The following PTPRD variants were observed in gnomAD, a reference collection of about 807,000 sequenced individuals.
The protein encoded by PTPRD is receptor-type tyrosine-protein phosphatase delta.
Under a neutral mutation model 214.5 loss-of-function variants are expected in PTPRD, and 34 were observed. The observed-to-expected ratio is 0.16, with a 90% CI of 0.12 to 0.21. The LOEUF (loss-of-function observed/expected upper bound fraction) is 0.21, where lower values mean the gene tolerates loss of function less well. Among genes scored for constraint, PTPRD ranks in the 10% least tolerant of loss-of-function variants. The pLI is 1.00. For synonymous variants in PTPRD, 1,128 were observed against 845.7 expected, an observed-to-expected ratio of 1.33 and a Z score of -5.79; for missense variants, 2,545 against 2,398.7, an observed-to-expected ratio of 1.06 and a Z score of -1.27.
chr9:9,875,542 G>C (rs915792000), intron 5 of PTPRD, among the ~76,000 whole-genome samples: 3 of 151,956 alleles, frequency 2.0e-5, no homozygotes, highest in Non-Finnish European at 4.4e-5. Flanking sequence ...CACCAACTTA[G>C]ATAACTACCA....
intron 3 of PTPRD, among the ~76,000 whole-genome samples, chr9:10,036,634 G>A (rs1033804590): frequency 1.3e-5 from 2 of 151,796 alleles, no homozygotes; most frequent in Non-Finnish European, 2.9e-5. Flanking sequence ...CACCAGGCTG[G>A]AGTGCAGTGG....
At chr9:9,645,920 A>C (rs1047548911) in intron 7 of PTPRD, among the ~76,000 whole-genome samples, 1 of 152,320 alleles carries the variant, frequency 6.6e-6, no homozygotes, top group African/African-American at 2.4e-5. Flanking sequence ...TTGTGGATAC[A>C]TACTAGTTGT....
chr9:10,340,573 C>A (rs2096920208), intron 3 of PTPRD, among the ~76,000 whole-genome samples: 1 of 151,932 alleles, frequency 6.6e-6, no homozygotes, highest in African/African-American at 2.4e-5. Context: ...AATAGCCCTA[C>A]ATATTTGGAT....
chr9:9,594,272 T>A (rs949850973), intron 7 of PTPRD, among the ~76,000 whole-genome samples: 1 of 152,072 alleles, frequency 6.6e-6, no homozygotes, highest in African/African-American at 2.4e-5. Flanking sequence ...GGAGTTAATT[T>A]AAAATATTCC....
chr9:9,239,184 G>A (rs1312700607), intron 9 of PTPRD, among the ~76,000 whole-genome samples: 1 of 149,448 alleles, frequency 6.7e-6, no homozygotes, highest in Non-Finnish European at 1.5e-5. Flanking sequence ...CAAACTTCAG[G>A]GAGATGACTG....
At chr9:10,231,418 T>G (rs1484014625) in intron 3 of PTPRD, among the ~76,000 whole-genome samples, 1 of 151,896 alleles carries the variant, frequency 6.6e-6, no homozygotes, top group Non-Finnish European at 1.5e-5. Context: ...TAAAAACCAG[T>G]CAAGCTAAGT....
In PTPRD at chr9:8,633,334, C is replaced by G. The variant is rs2154320266; in HGVS notation, c.335G>C (p.Arg112Thr). ...NNVGEISVST[R>T]LTVLREDQIP... ...GCACTTACCCCGCAAAACTGTGAGT[C>G]TGGTGGATACACTTATTTCTCCCAC... The change falls in exon 14 of 46, where the codon AGA becomes ACA. Residue 112 changes from arginine (R) to threonine (T), a missense_variant. By Grantham distance (71) the Arg-to-Thr change is moderately conservative. Coordinates refer to ENST00000381196, the MANE Select transcript of PTPRD (RefSeq NM_002839.4). 1 of 1,611,986 alleles carries G rather than the reference C, an allele frequency of 6.2e-7. No homozygotes were observed. Among genetic ancestry groups the G allele is most frequent in the South Asian group, 1.1e-5 (1 of 90,878 alleles).
chr9:9,818,210 G>A (rs912357), intron 5 of PTPRD, among the ~76,000 whole-genome samples: 26,383 of 152,038 alleles, frequency 0.17, 2,669 homozygotes, highest in African/African-American at 0.27. Context: ...TAAAGAAATC[G>A]GTCTTTAAAT....
intron 7 of PTPRD, among the ~76,000 whole-genome samples, chr9:9,715,448 A>G (rs2097802190): frequency 6.6e-6 from 1 of 152,156 alleles, no homozygotes; most frequent in Non-Finnish European, 1.5e-5. Flanking sequence ...AAGCCGTATT[A>G]GTGCCTTGGT....
intron 5 of PTPRD, among the ~76,000 whole-genome samples, chr9:9,788,029 C>A (rs975941552): frequency 4.0e-5 from 6 of 151,494 alleles, no homozygotes; most frequent in Admixed American, 3.9e-4. Context: ...GTGATCCACC[C>A]CACCTCGGCC....
intron 10 of PTPRD, among the ~76,000 whole-genome samples, chr9:9,098,653 G>A: frequency 6.6e-6 from 1 of 152,220 alleles, no homozygotes; most frequent in Non-Finnish European, 1.5e-5. Flanking sequence ...ATCATTACAA[G>A]TATGTTTATC....
chr9:9,907,992 T>C (rs2078077601), intron 5 of PTPRD, among the ~76,000 whole-genome samples: 1 of 151,864 alleles, frequency 6.6e-6, no homozygotes. Flanking sequence ...ACCTATAGCA[T>C]CTTATACTTT....
intron 10 of PTPRD, among the ~76,000 whole-genome samples, chr9:9,020,875 T>G (rs2099566889): frequency 6.6e-6 from 1 of 152,156 alleles, no homozygotes; most frequent in Non-Finnish European, 1.5e-5. Flanking sequence ...TCTACTCGGA[T>G]GTATATATCC....
At chr9:8,347,543 C>T (rs1234771588) in intron 39 of PTPRD, among the ~76,000 whole-genome samples, 1 of 152,112 alleles carries the variant, frequency 6.6e-6, no homozygotes, top group Non-Finnish European at 1.5e-5. Flanking sequence ...GTGAAGGATG[C>T]TGGTAGAGCA....
chr9:9,607,811 G>C (rs1462463087), intron 7 of PTPRD, among the ~76,000 whole-genome samples: 2 of 151,920 alleles, frequency 1.3e-5, no homozygotes, highest in Admixed American at 6.6e-5. Context: ...GATTCCGAAG[G>C]CTTGCCCCAA....
In PTPRD at chr9:10,571,983, T is replaced by C. The variant is rs115167457; in HGVS notation, c.-600+40415A>G. On this transcript the variant is annotated intron_variant, in intron 2 of 45. Transcript: ENST00000381196. ...CCAGTACCAGTCTGCTGCCCAGGGG[T>C]TGGGGACACCTGATATAAGAGGCTT... is the stretch of plus-strand genomic sequence containing the variant. Among the ~76,000 whole-genome samples, 1,112 of 152,224 alleles carry C rather than the reference T, an allele frequency of 7.3e-3. 15 individuals carry two copies. Among genetic ancestry groups the C allele is most frequent in the African/African-American group, 0.026 (1,064 of 41,534 alleles).
intron 2 of PTPRD, among the ~76,000 whole-genome samples, chr9:10,445,945 C>A (rs745748868): frequency 1.3e-5 from 2 of 151,932 alleles, no homozygotes; most frequent in Non-Finnish European, 2.9e-5. Context: ...CTTATATTAA[C>A]CTAGGAGCAG....
intron 8 of PTPRD, among the ~76,000 whole-genome samples, chr9:9,459,816 C>T (rs1038644573): frequency 1.3e-5 from 2 of 152,052 alleles, no homozygotes; most frequent in South Asian, 2.1e-4. Context: ...ATAACCAATG[C>T]CATTTTTCAC....
At chr9:10,569,537 G>GTA (rs1236352498) in intron 2 of PTPRD, among the ~76,000 whole-genome samples, 344 of 151,046 alleles carry the variant, frequency 2.3e-3, no homozygotes, top group African/African-American at 7.6e-3. Context: ...CTCTCTGTGT[G>GTA]TATATATATA....
Sources: gnomAD v4.1 joint callset for allele counts (sites outside exome capture counted in the v4.1 genomes callset) on GRCh38, gnomAD v4.1.1 for gene constraint, MANE v1.5 for transcripts, NCBI Gene and HGNC (gene_info 2026-07-23, HGNC 2026-07-21) for gene names.